The following CD82 variants were observed in gnomAD, a reference collection of about 807,000 sequenced individuals.
CD82 encodes CD82 antigen.
A neutral mutation model predicts 37.4 loss-of-function variants in CD82; 36 were observed. The observed-to-expected ratio is 0.96, with a 90% CI of 0.74 to 1.27. The LOEUF is 1.27. Ranked by LOEUF, CD82 falls within the 50% of genes most tolerant of loss-of-function variation. The pLI is 0.00. For synonymous variants in CD82, 158 were observed against 137.4 expected, an observed-to-expected ratio of 1.15 and a Z score of -1.05; for missense variants, 340 against 347.0, an observed-to-expected ratio of 0.98 and a Z score of 0.16.
intron 3 of CD82, among the ~76,000 whole-genome samples, chr11:44,599,683 C>A (rs1853278606): frequency 6.6e-6 from 1 of 152,212 alleles, no homozygotes; most frequent in Admixed American, 6.5e-5. Flanking sequence ...CCGAGTCTGC[C>A]TGAGGGGGTC....
chr11:44,589,438 C>G (rs972534773), intron 2 of CD82, among the ~76,000 whole-genome samples: 3 of 152,242 alleles, frequency 2.0e-5, no homozygotes, highest in African/African-American at 7.2e-5. Context: ...AAAGTATACA[C>G]AAGAAAGCAT....
intron 6 of CD82, among the ~76,000 whole-genome samples, chr11:44,607,334 A>G (rs1183781733): frequency 6.6e-6 from 1 of 152,242 alleles, no homozygotes; most frequent in African/African-American, 2.4e-5. Flanking sequence ...TGTAGATGAA[A>G]AGCAGCTTGT....
chr11:44,593,782 G>C (rs1391112913), intron 2 of CD82, among the ~76,000 whole-genome samples: 3 of 152,110 alleles, frequency 2.0e-5, no homozygotes, highest in African/African-American at 7.2e-5. Context: ...GAAATTATTA[G>C]CATCACAAAA....
At chr11:44,564,923 T>C (rs2134602755), upstream of CD82, among the ~76,000 whole-genome samples, 1 of 152,278 alleles carries the variant, frequency 6.6e-6, no homozygotes, top group East Asian at 1.9e-4. Context: ...ACCCATGAGT[T>C]GTGGGAATTC....
chr11:44,611,328 T>A (rs1853477899), intron 6 of CD82, among the ~76,000 whole-genome samples: 1 of 152,060 alleles, frequency 6.6e-6, no homozygotes, highest in Admixed American at 6.5e-5. Context: ...AGCCCTACCC[T>A]CCTCTGTTGG....
chr11:44,584,874 G>A (rs1853030881), intron 1 of CD82, among the ~76,000 whole-genome samples: 1 of 152,232 alleles, frequency 6.6e-6, no homozygotes, highest in Non-Finnish European at 1.5e-5. Flanking sequence ...ACAAAGTCCA[G>A]AGGACCAGAG....
At chr11:44,584,618 CCCT>C (rs1853026782) in intron 1 of CD82, among the ~76,000 whole-genome samples, 1 of 152,094 alleles carries the variant, frequency 6.6e-6, no homozygotes, top group Admixed American at 6.6e-5. Context: ...AAACCTGAGG[CCCT>C]CGTCCTGCTT....
intron 1 of CD82, among the ~76,000 whole-genome samples, chr11:44,582,904 T>C (rs1288016539): frequency 1.3e-5 from 2 of 152,234 alleles, no homozygotes; most frequent in African/African-American, 2.4e-5. Flanking sequence ...GGTATACTTC[T>C]CAACGTGTAT....
intron 1 of CD82, among the ~76,000 whole-genome samples, chr11:44,580,209 C>T (rs908152200): frequency 3.9e-5 from 6 of 152,192 alleles, no homozygotes; most frequent in Non-Finnish European, 7.3e-5. Flanking sequence ...CCCTCCACAC[C>T]GGCCCATCTC....
At chr11:44,596,686 G>T (rs1042809827) in intron 3 of CD82, among the ~76,000 whole-genome samples, 8 of 152,072 alleles carry the variant, frequency 5.3e-5, no homozygotes, top group Non-Finnish European at 8.8e-5. Flanking sequence ...GTGGAGGGGG[G>T]AGGGGCAGCT....
intron 1 of CD82, among the ~76,000 whole-genome samples, chr11:44,580,721 GAA>G (rs1239450653): frequency 6.6e-6 from 1 of 152,104 alleles, no homozygotes; most frequent in East Asian, 1.9e-4. Flanking sequence ...TCAATAAAAA[GAA>G]AAGAAACAGT....
chr11:44,609,932 T>C (rs1386317528), intron 6 of CD82, among the ~76,000 whole-genome samples: 1 of 152,300 alleles, frequency 6.6e-6, no homozygotes, highest in Middle Eastern at 3.4e-3. Flanking sequence ...ATTACGTGGA[T>C]TGCAGCTGGA....
intron 1 of CD82, among the ~76,000 whole-genome samples, chr11:44,571,800 C>A (rs551342844): frequency 6.6e-6 from 1 of 152,150 alleles, no homozygotes; most frequent in African/African-American, 2.4e-5. Flanking sequence ...CTCTCAAACT[C>A]CTGGCCTCAA....
chr11:44,588,810 G>A (rs910464277), intron 2 of CD82, among the ~76,000 whole-genome samples: 1 of 152,126 alleles, frequency 6.6e-6, no homozygotes, highest in Non-Finnish European at 1.5e-5. Context: ...TGGTGATTTT[G>A]GAGGTGAGTG....
At chr11:44,567,901 A>C (rs1852760108) in intron 1 of CD82, among the ~76,000 whole-genome samples, 1 of 152,234 alleles carries the variant, frequency 6.6e-6, no homozygotes, top group African/African-American at 2.4e-5. Flanking sequence ...TGAGGAGAGG[A>C]AAATGCCTAG....
At chr11:44,589,147 T>G (rs1432193159) in intron 2 of CD82, among the ~76,000 whole-genome samples, 1 of 152,204 alleles carries the variant, frequency 6.6e-6, no homozygotes, top group Non-Finnish European at 1.5e-5. Context: ...TCCCAGCTAC[T>G]CTGGAGGCTG....
Position 44,618,279 on chromosome 11 carries a change from C to T in CD82, c.556C>T (p.Leu186Phe). Reference sequence around the variant, plus strand: ...AGTCAAGGGGGAAGAGGACAACAGCCTTTCTGTGAGGAAGGGCTTCTGCGA... The same window carrying T: ...AGTCAAGGGGGAAGAGGACAACAGCTTTTCTGTGAGGAAGGGCTTCTGCGA... ...CEVKGEEDNS[L>F]SVRKGFCEAP... Residue 186 changes from leucine to phenylalanine, a missense_variant, in exon 8 of 10, where the codon CTT becomes TTT. Transcript: ENST00000227155. 6.2e-7 allele frequency: 1 copy of T among 1,614,096 alleles called. No homozygotes were observed. The highest frequency in any genetic ancestry group is 8.5e-7 in the Non-Finnish European group (1 of 1,180,044).
chr11:44,587,851 C>T (rs77639547), intron 2 of CD82: 5,109 of 317,906 alleles, frequency 0.016, 234 homozygotes, highest in African/African-American at 0.099. Context: ...ACCGTCTCTT[C>T]GGACTCAGGG....
intron 1 of CD82, among the ~76,000 whole-genome samples, chr11:44,583,800 G>A (rs553017291): frequency 6.6e-6 from 1 of 152,284 alleles, no homozygotes; most frequent in East Asian, 1.9e-4. Context: ...GATTGCATGG[G>A]ATACAGTGGG....
Sources: allele counts gnomAD v4.1 joint callset (sites outside exome capture counted in the v4.1 genomes callset), GRCh38; gene constraint gnomAD v4.1.1; transcripts MANE v1.5; gene names NCBI Gene and HGNC (gene_info 2026-07-23, HGNC 2026-07-21).